Variants in FGF13 observed in about 807,000 individuals in gnomAD.
The protein encoded by FGF13 is fibroblast growth factor 13, also known as fibroblast growth factor homologous factor 2.
A neutral mutation model predicts 19.5 loss-of-function variants in FGF13; 2 were observed. The observed-to-expected ratio is 0.10, with a 90% CI of 0.04 to 0.32. The LOEUF is 0.32. Among genes scored for constraint, FGF13 ranks in the 10% least tolerant of loss-of-function variants. The pLI is 1.00. For missense variants in FGF13, 113 were observed against 192.7 expected (o/e 0.59, Z 2.45); for synonymous variants, 72 against 76.9 (o/e 0.94, Z 0.33).
intron 3 of FGF13, among the ~76,000 whole-genome samples, chrX:138,696,828 C>T (rs1358731954): frequency 1.8e-5 from 2 of 112,034 alleles, no homozygotes; most frequent in Non-Finnish European, 3.8e-5. Flanking sequence ...GGGCTTTTCC[C>T]TATTCATCAG....
downstream of FGF13, among the ~76,000 whole-genome samples, chrX:138,855,828 T>C (rs2091253816): frequency 8.9e-6 from 1 of 111,934 alleles, no homozygotes; most frequent in Non-Finnish European, 1.9e-5. Context: ...TTTTTTAAAA[T>C]CTGAAATATT....
At chrX:138,726,282 A>G (rs922975708) in intron 1 of FGF13, among the ~76,000 whole-genome samples, 2 of 111,884 alleles carry the variant, frequency 1.8e-5, no homozygotes, top group Admixed American at 9.4e-5. Flanking sequence ...GAAGAGGACT[A>G]TATGGCAGAG....
In FGF13 at chrX:138,629,185, C is replaced by T. The variant is rs1233437797; in HGVS notation, c.*3665G>A. 2.7e-5 allele frequency: 3 copies of T among 111,924 alleles called. No homozygotes were observed. The highest frequency in any genetic ancestry group is 3.8e-5 in the Non-Finnish European group (2 of 53,175). The allele number at this position is 111,924 out of a possible 1,213,427, so 9.2% of individuals were successfully genotyped here. A position where few individuals can be genotyped will look rare whatever the true frequency, so the allele number is the denominator to read the frequency against. ...AGGTGATTCAGGTACACATAAAAAG[C>T]TTGAGGACTACCACTCTACTGCAAT... On this transcript the variant is annotated 3_prime_UTR_variant, in exon 5 of 5. Transcript: ENST00000315930.
In FGF13 at chrX:139,056,917, T is replaced by C. The variant is rs137948511; in HGVS notation, c.-113+146499A>G. On this transcript the variant is annotated intron_variant, in intron 1 of 2. Coordinates refer to the FGF13 transcript ENST00000421460. ...CCTGTCAAAGATGAATTTCAATCTC[T>C]TCAAATTAGCAGCGAAGGAGAAGCA... Among the ~76,000 whole-genome samples the C allele has an allele frequency of 1.8e-4, 20 of 111,975 alleles. No individual in the cohort carries two copies. The East Asian group carries it at 5.4e-3, about 30-fold the overall frequency.
intron 3 of FGF13, among the ~76,000 whole-genome samples, chrX:138,745,301 G>T (rs1036007547): frequency 2.7e-5 from 3 of 111,927 alleles, no homozygotes; most frequent in Admixed American, 1.9e-4. Context: ...ATAATTTTCT[G>T]GCAACGGTGG....
At chrX:139,005,193 G>T (rs1214495059) in intron 1 of FGF13, among the ~76,000 whole-genome samples, 1 of 24,648 alleles carries the variant, frequency 4.1e-5, no homozygotes, top group Admixed American at 4.9e-4. Context: ...TTGTGTCACT[G>T]CCCCCCCCCC....
intron 1 of FGF13, among the ~76,000 whole-genome samples, chrX:139,079,581 G>T (rs1004775230): frequency 9.0e-6 from 1 of 110,579 alleles, no homozygotes; most frequent in Admixed American, 9.7e-5. Context: ...AAGAATTTGG[G>T]GCTGAACTTC....
intron 1 of FGF13, among the ~76,000 whole-genome samples, chrX:139,027,996 C>T (rs1331687232): frequency 9.0e-6 from 1 of 111,342 alleles, no homozygotes; most frequent in East Asian, 2.8e-4. Flanking sequence ...AGTTCTAAGG[C>T]AGACAGTGTC....
chrX:138,649,955 A>G (rs1447424455), intron 3 of FGF13, among the ~76,000 whole-genome samples: 1 of 112,266 alleles, frequency 8.9e-6, no homozygotes, highest in Non-Finnish European at 1.9e-5. Context: ...TACTCATTCA[A>G]TTCAACAAAG....
intron 1 of FGF13, 128 bp downstream of exon 1, chrX:138,710,689 A>C: frequency 9.3e-7 from 1 of 1,075,815 alleles, no homozygotes; most frequent in Non-Finnish European, 1.2e-6. Context: ...ACGCACGCAC[A>C]CAGGCTAGGT....
chrX:138,877,639 A>C (rs2091398535), intron 1 of FGF13, among the ~76,000 whole-genome samples: 1 of 111,994 alleles, frequency 8.9e-6, no homozygotes, highest in Non-Finnish European at 1.9e-5. Context: ...TCTACTTTTT[A>C]TCTCTATGAA....
chrX:138,767,329 C>T (rs372856350), intron 3 of FGF13, among the ~76,000 whole-genome samples: 1 of 111,827 alleles, frequency 8.9e-6, no homozygotes, highest in Admixed American at 9.5e-5. Context: ...ATATACTAAA[C>T]TTTGTTTCCA....
chrX:138,724,471 C>T (rs1160116321), intron 1 of FGF13, among the ~76,000 whole-genome samples: 2 of 111,682 alleles, frequency 1.8e-5, no homozygotes, highest in Non-Finnish European at 1.9e-5. Context: ...AAGAGAAAGT[C>T]CCCCTTGACA....
At chrX:139,032,979 TG>T (rs1243312358) in intron 1 of FGF13, among the ~76,000 whole-genome samples, 2 of 91,870 alleles carry the variant, frequency 2.2e-5, no homozygotes, top group African/African-American at 8.3e-5. Context: ...TCTCCTTTCC[TG>T]GCCTGGTAAA....
intron 1 of FGF13, among the ~76,000 whole-genome samples, chrX:138,997,510 C>T (rs1359207996): frequency 1.4e-4 from 16 of 111,661 alleles, no homozygotes; most frequent in African/African-American, 2.6e-4. Context: ...AGCTGAAAAA[C>T]GCAGCACGAG....
intron 1 of FGF13, among the ~76,000 whole-genome samples, chrX:138,905,752 G>A (rs781649000): frequency 8.9e-6 from 1 of 112,179 alleles, no homozygotes; most frequent in South Asian, 3.7e-4. Flanking sequence ...TGTTTAGGTC[G>A]TGGATCCAGT....
chrX:139,052,402 T>G (rs1255248026), intron 1 of FGF13, among the ~76,000 whole-genome samples: 1 of 112,308 alleles, frequency 8.9e-6, no homozygotes, highest in East Asian at 2.8e-4. Context: ...GCAGTCTTTT[T>G]TACATTATTA....
chrX:139,023,969 C>G lies in FGF13; in HGVS notation c.-112-159319G>C. 2.7e-5 allele frequency among the ~76,000 whole-genome samples: 3 copies of G among 111,224 alleles called. 1 individual carries two copies. In the Middle Eastern group the frequency reaches 0.014, roughly 515 times the overall value. Reference sequence around the variant, plus strand: ...CATAATCAGGAAAAAATTTCAACTTCTACCTGCTCCACACCAGTCAGTAGT... The same window carrying G: ...CATAATCAGGAAAAAATTTCAACTTGTACCTGCTCCACACCAGTCAGTAGT... On this transcript the variant is annotated intron_variant, in intron 1 of 2. Coordinates refer to the FGF13 transcript ENST00000421460.
At chrX:138,657,013 C>T (rs560333721) in intron 3 of FGF13, among the ~76,000 whole-genome samples, 4 of 111,691 alleles carry the variant, frequency 3.6e-5, no homozygotes, top group South Asian at 3.7e-4. Context: ...TTTAATAACC[C>T]TTGCTAAAGC....
Sources: gnomAD v4.1 joint callset for allele counts (sites outside exome capture counted in the v4.1 genomes callset) on GRCh38, gnomAD v4.1.1 for gene constraint, MANE v1.5 for transcripts, NCBI Gene and HGNC (gene_info 2026-07-23, HGNC 2026-07-21) for gene names.